NPAS2: variants seen among roughly 807,000 people sequenced by gnomAD.
NPAS2 encodes neuronal PAS domain-containing protein 2.
In NPAS2, 23 loss-of-function variants were observed where a neutral mutation model predicts 107.5. That is an observed-to-expected ratio of 0.21 (90% CI 0.15 to 0.30). The LOEUF (loss-of-function observed/expected upper bound fraction) is 0.30. Among genes scored for constraint, NPAS2 ranks in the 10% least tolerant of loss-of-function variants. The probability of loss-of-function intolerance (pLI) is 1.00; values close to 1 mark genes in which losing one functional copy is unlikely to be tolerated. For synonymous variants in NPAS2, 403 were observed against 417.5 expected, an observed-to-expected ratio of 0.97 and a Z score of 0.42; for missense variants, 756 against 1,043.3, an observed-to-expected ratio of 0.72 and a Z score of 3.79.
At chr2:100,885,169 C>T (rs1680618427) in intron 1 of NPAS2, among the ~76,000 whole-genome samples, 1 of 152,128 alleles carries the variant, frequency 6.6e-6, no homozygotes, top group Admixed American at 6.5e-5. Context: ...CCAGGATGGT[C>T]TCTGTCTCCT....
At chr2:100,868,435 A>G (rs1679376918) in intron 1 of NPAS2, among the ~76,000 whole-genome samples, 1 of 152,204 alleles carries the variant, frequency 6.6e-6, no homozygotes, top group South Asian at 2.1e-4. Flanking sequence ...TGACTTTGGT[A>G]ATCTGCAGTG....
At chr2:100,956,233 A>G (rs1411444986) in intron 7 of NPAS2, among the ~76,000 whole-genome samples, 1 of 152,112 alleles carries the variant, frequency 6.6e-6, no homozygotes, top group Non-Finnish European at 1.5e-5. Context: ...CAGGGGGTAC[A>G]TGTGCAGGTC....
At chr2:100,967,175 C>A (rs17025100) in intron 10 of NPAS2, among the ~76,000 whole-genome samples, 4,149 of 151,834 alleles carry the variant, frequency 0.027, 201 homozygotes, top group African/African-American at 0.094. Flanking sequence ...CTGTGGAGCC[C>A]ACACCCTCAA....
At chr2:100,983,321 T>TCGGGGCACAGCGCCGTGAGC (rs1677577490) in intron 16 of NPAS2, 1 of 152,352 alleles carries the variant, frequency 6.6e-6, no homozygotes, top group Non-Finnish European at 1.5e-5. Context: ...GCGGGTTCTG[T>TCGGGGCACAGCGCCGTGAGC]CGGGGCACAG....
At position 100,890,013 on chromosome 2, in the gene NPAS2, G is replaced by A. The variant is rs572239859; in HGVS notation, c.-22-14720G>A. 1.1e-3 allele frequency among the ~76,000 whole-genome samples: 163 copies of A among 152,226 alleles called. 1 individual carries two copies. The highest frequency in any genetic ancestry group is 3.6e-3 in the African/African-American group (148 of 41,538). On this transcript the variant is annotated intron_variant, in intron 1 of 20. Transcript: ENST00000335681. ...CTAGAAGGATTGAGGTTTTCCTTGC[G>A]TGCACACCCTCCTCCTGGCAGCGTG...
Position 100,840,863 on chromosome 2 carries a change from C to T in NPAS2, c.-23+20449C>T, listed in dbSNP as rs189740725. ...AAAATGGAAAAGTGAAAAGAATGAT[C>T]GTCTAAAAATAAGCACGAGGAAGTC... On this transcript the variant is annotated intron_variant, in intron 1 of 20. Transcript: ENST00000335681. Among the ~76,000 whole-genome samples, 35 of 152,144 alleles carry T rather than the reference C, an allele frequency of 2.3e-4. 1 individual carries two copies. In the East Asian group the frequency reaches 3.1e-3, roughly 13 times the overall value.
At chr2:100,954,110 A>T (rs1296341041) in intron 7 of NPAS2, among the ~76,000 whole-genome samples, 1 of 152,104 alleles carries the variant, frequency 6.6e-6, no homozygotes, top group African/African-American at 2.4e-5. Context: ...TAGTATGAAT[A>T]AGTGTAGTGG....
At chr2:100,858,554 G>A (rs1221756835) in intron 1 of NPAS2, among the ~76,000 whole-genome samples, 1 of 152,144 alleles carries the variant, frequency 6.6e-6, no homozygotes, top group Non-Finnish European at 1.5e-5. Flanking sequence ...GCCTGATGTG[G>A]TGGGGCTGGA....
intron 1 of NPAS2, among the ~76,000 whole-genome samples, chr2:100,876,307 C>T (rs762885372): frequency 2.6e-5 from 4 of 152,206 alleles, no homozygotes; most frequent in Non-Finnish European, 4.4e-5. Context: ...GGGGCCAGAA[C>T]GCATTGCGTG....
chr2:100,990,265 C>T lies in NPAS2; in HGVS notation c.1837C>T (p.Pro613Ser). The change falls in exon 18 of 21, where the codon CCA becomes TCA. Residue 613 changes from proline to serine, a missense_variant. Physicochemically the swap from Pro to Ser is moderately conservative, Grantham distance 74. Around this residue, in one of 4 missense-constraint regions of NPAS2, gnomAD observed 496 missense variants for 594.4 expected, o/e 0.83. Transcript: ENST00000335681. ...SSVISTQGPK[P>S]MRSSQLMQSS... ...TGAAATGATGCTCCAGGGTCCAAAG[C>T]CAATGAGAAGCTCACAGCTAATGCA... The T allele has an allele frequency of 1.9e-6, 3 of 1,614,104 alleles. No individual in the cohort carries two copies. In the East Asian group the frequency reaches 6.7e-5, roughly 36 times the overall value.
chr2:100,914,239 T>A (rs986741936), intron 2 of NPAS2, among the ~76,000 whole-genome samples: 4 of 152,186 alleles, frequency 2.6e-5, no homozygotes, highest in Non-Finnish European at 4.4e-5. Flanking sequence ...TGACTCTCCT[T>A]CCTTCAGCCT....
At chr2:100,886,107 A>T (rs1183949961) in intron 1 of NPAS2, among the ~76,000 whole-genome samples, 1 of 152,250 alleles carries the variant, frequency 6.6e-6, no homozygotes, top group Non-Finnish European at 1.5e-5. Flanking sequence ...TCGCCTGGAA[A>T]CCAGGTGTAT....
Position 100,889,297 on chromosome 2 carries a change from C to T in NPAS2, c.-22-15436C>T, listed in dbSNP as rs535990165. Among the ~76,000 whole-genome samples, 8 of 152,340 alleles carry T rather than the reference C, an allele frequency of 5.3e-5. No individual in the cohort carries two copies. The South Asian group carries it at 1.2e-3, about 24-fold the overall frequency. The stretch of plus-strand genomic sequence containing the variant: ...TTCGAAGAGGGAAAATGGAAATACT[C>T]GGCCCTACATTGCCTAAGCCCCTCA... On this transcript the variant is annotated intron_variant, in intron 1 of 20. Transcript: ENST00000335681.
intron 1 of NPAS2, among the ~76,000 whole-genome samples, chr2:100,840,251 G>A (rs1417777472): frequency 6.6e-6 from 1 of 152,118 alleles, no homozygotes; most frequent in Non-Finnish European, 1.5e-5. Flanking sequence ...CTGTTACATG[G>A]CAGTATCTAA....
chr2:100,821,512 G>A (rs528180428), intron 1 of NPAS2, among the ~76,000 whole-genome samples: 7 of 152,128 alleles, frequency 4.6e-5, no homozygotes, highest in Non-Finnish European at 1.0e-4. Flanking sequence ...CAGCAGAGAC[G>A]AGCTAAACCG....
At chr2:100,857,731 C>T (rs572015116) in intron 1 of NPAS2, among the ~76,000 whole-genome samples, 4 of 152,234 alleles carry the variant, frequency 2.6e-5, no homozygotes, top group African/African-American at 4.8e-5. Context: ...TCTGTGCACC[C>T]GGCGTCTGCT....
intron 1 of NPAS2, among the ~76,000 whole-genome samples, chr2:100,842,170 A>G (rs1308823806): frequency 1.3e-5 from 2 of 152,062 alleles, no homozygotes; most frequent in South Asian, 4.1e-4. Flanking sequence ...TACATGTCCA[A>G]AGGGATGAAG....
rs540518472 is a variant in NPAS2 at position 100,978,433 on chromosome 2, GA to G, written c.1482+638del. On this transcript the variant is annotated intron_variant, in intron 15 of 20. Transcript: ENST00000335681. ...ACTCCAAATTGGCCATGGTATTTTA[GA>G]AAAGGTCTGAATTGGGCTGCATGTC... 6.6e-5 allele frequency among the ~76,000 whole-genome samples: 10 copies of G among 151,976 alleles called. No homozygotes were observed. The South Asian group carries it at 2.1e-3, about 32-fold the overall frequency.
At chr2:100,835,776 C>T (rs989632932) in intron 1 of NPAS2, among the ~76,000 whole-genome samples, 2 of 152,080 alleles carry the variant, frequency 1.3e-5, no homozygotes, top group Non-Finnish European at 2.9e-5. Flanking sequence ...CTCATCATCC[C>T]GGGCCTGGAA....
Sources: gnomAD v4.1 joint callset for allele counts (sites outside exome capture counted in the v4.1 genomes callset) on GRCh38, gnomAD v4.1.1 for gene constraint, gnomAD v4.1.1 regional missense constraint, MANE v1.5 for transcripts, NCBI Gene and HGNC (gene_info 2026-07-23, HGNC 2026-07-21) for gene names.